Variants in PCDHB4 observed in about 807,000 individuals in gnomAD.
PCDHB4 encodes protocadherin beta 4, also known as protocadherin beta-4.
For missense variants in PCDHB4, 1,063 were observed against 1,007.0 expected (o/e 1.06, Z -0.75); for synonymous variants, 482 against 447.3 (o/e 1.08, Z -0.98).
rs1752374662 is a variant in PCDHB4 at position 141,124,305 on chromosome 5, A to G, written c.2307A>G (p.Ile769Met). ...GTGEFKFLKP[I>M]FPNLLVQDTG... ...GTGAGTTCAAGTTCCTGAAGCCAAT[A>G]TTTCCTAATCTCTTGGTTCAGGACA... Residue 769 changes from isoleucine (I) to methionine (M), a missense_variant, in exon 1 of 1, where the codon ATA becomes ATG. Physicochemically the swap from Ile to Met is conservative, Grantham distance 10. Transcript: ENST00000194152. 1 of 1,613,940 alleles carries G rather than the reference A, an allele frequency of 6.2e-7. No homozygotes were observed. Among genetic ancestry groups the G allele is most frequent in the Non-Finnish European group, 8.5e-7 (1 of 1,179,976 alleles).
rs571207137 is a variant in PCDHB4 at position 141,122,088 on chromosome 5, T to A, written c.90T>A (p.Ile30=). ...VFLSQVRLEP[I]RYSVLEETES... ...TGTCTCAGGTTCGCCTCGAGCCTAT[T>A]CGTTATTCTGTGTTGGAGGAAACAG... Residue 30 remains isoleucine, a synonymous_variant, in exon 1 of 1, where the codon ATT becomes ATA. Coordinates refer to ENST00000194152, the MANE Select transcript of PCDHB4 (RefSeq NM_018938.4). The A allele has an allele frequency of 2.5e-6, 4 of 1,614,044 alleles. No homozygotes were observed. Among genetic ancestry groups the A allele is most frequent in the Non-Finnish European group, 3.4e-6 (4 of 1,180,038 alleles).
rs781945457 is a variant in PCDHB4 at position 141,123,965 on chromosome 5, C to T, written c.1967C>T (p.Thr656Met). 36 of 1,604,336 alleles carry T rather than the reference C, an allele frequency of 2.2e-5. No individual in the cohort carries two copies. The highest frequency in any genetic ancestry group is 2.7e-5 in the African/African-American group (2 of 74,882). ...NGEPPRSATA[T>M]LHVLLVDGFS... is the part of the protein sequence containing the mutation. ...GAGCCTCCGCGCTCGGCCACCGCCA[C>T]GCTGCACGTGCTCCTGGTGGATGGC... The change falls in exon 1 of 1, where the codon ACG becomes ATG. Residue 656 changes from threonine (T) to methionine (M), a missense_variant. Coordinates refer to ENST00000194152, the MANE Select transcript of PCDHB4 (RefSeq NM_018938.4).
In PCDHB4 at chr5:141,124,335, G is replaced by A; in HGVS notation, c.2337G>A (p.Gly779=). 6.2e-7 allele frequency: 1 copy of A among 1,613,736 alleles called. No individual in the cohort carries two copies. The highest frequency in any genetic ancestry group is 8.5e-7 in the Non-Finnish European group (1 of 1,179,890). ...IFPNLLVQDT[G]REVKENPKFR... ...CTAATCTCTTGGTTCAGGACACCGG[G>A]AGGGAAGTTAAGGAAAACCCCAAGT... Residue 779 remains glycine, a synonymous_variant, in exon 1 of 1, where the codon GGG becomes GGA. Transcript: ENST00000194152.
In PCDHB4 at chr5:141,122,794, A is replaced by G; in HGVS notation, c.796A>G (p.Arg266Gly). 1 of 1,614,180 alleles carries G rather than the reference A, an allele frequency of 6.2e-7. No homozygotes were observed. Among genetic ancestry groups the G allele is most frequent in the Non-Finnish European group, 8.5e-7 (1 of 1,180,002 alleles). ...CTCTCCAATTGTTAGGGTCTTAGCT[A>G]GAGATATAGATGCTGGAAACTTCGG... ...LDSPIVRVLA[R>G]DIDAGNFGSV... Residue 266 changes from arginine (R) to glycine (G), a missense_variant, in exon 1 of 1, where the codon AGA becomes GGA. Physicochemically the swap from Arg to Gly is moderately radical, Grantham distance 125. Transcript: ENST00000194152.
rs1554274767 is a variant in PCDHB4 at position 141,124,271 on chromosome 5, C to G, written c.2273C>G (p.Ser758Cys). 2 of 1,614,190 alleles carry G rather than the reference C, an allele frequency of 1.2e-6. No homozygotes were observed. Among genetic ancestry groups the G allele is most frequent in the African/African-American group, 1.3e-5 (1 of 75,052 alleles). ...YQYEVCLTGD[S>C]GTGEFKFLKP... is the part of the protein sequence containing the mutation. ...TACGAGGTGTGTCTGACAGGAGACT[C>G]TGGGACTGGTGAGTTCAAGTTCCTG... Residue 758 changes from serine (S) to cysteine (C), a missense_variant, in exon 1 of 1, where the codon TCT (serine) becomes TGT (cysteine). Transcript: ENST00000194152.
At position 141,124,180 on chromosome 5, in the gene PCDHB4, G is replaced by A. The variant is rs782603101; in HGVS notation, c.2182G>A (p.Glu728Lys). ...CTCGGTGGGTCGCTGCTCGGTGCCC[G>A]AGGGCCCCTTTCCAGGGCATCTGGT... ...AASVGRCSVP[E>K]GPFPGHLVDV... Residue 728 changes from glutamate (E) to lysine (K), a missense_variant, in exon 1 of 1, where the codon GAG (glutamate) becomes AAG (lysine). By Grantham distance (56) the Glu-to-Lys change is moderately conservative. Transcript: ENST00000194152. 6 of 1,613,372 alleles carry A rather than the reference G, an allele frequency of 3.7e-6. No individual in the cohort carries two copies. The highest frequency in any genetic ancestry group is 5.1e-6 in the Non-Finnish European group (6 of 1,179,994).
In PCDHB4 at chr5:141,121,904, G is replaced by C; in HGVS notation, c.-95G>C. On this transcript the variant is annotated 5_prime_UTR_variant, in exon 1 of 1. Transcript: ENST00000194152. ...AACAAATTTAATATTAAAAGCAACT[G>C]TGTGACGATTCCTCCAAGCAAGAAA... 2.4e-6 allele frequency: 2 copies of C among 849,562 alleles called. No individual in the cohort carries two copies. The highest frequency in any genetic ancestry group is 1.8e-6 in the Non-Finnish European group (1 of 544,230). The allele number at this position is 849,562 out of a possible 1,614,324, so 52.6% of individuals were successfully genotyped here. A position where few individuals can be genotyped will look rare whatever the true frequency, so the allele number is the denominator to read the frequency against.
At position 141,123,356 on chromosome 5, in the gene PCDHB4, C is replaced by A; in HGVS notation, c.1358C>A (p.Thr453Asn). The change falls in exon 1 of 1, where the codon ACC becomes AAC. Residue 453 changes from threonine (T) to asparagine (N), a missense_variant. Physicochemically the swap from Thr to Asn is moderately conservative, Grantham distance 65 (BLOSUM62 0). Transcript: ENST00000194152. ...VNDNAPAFTQ[T>N]SYTLFVRENN... Reference sequence around the variant, plus strand: ...GACAACGCCCCCGCCTTCACCCAAACCTCCTACACCCTGTTCGTCCGCGAG... The same window carrying A: ...GACAACGCCCCCGCCTTCACCCAAAACTCCTACACCCTGTTCGTCCGCGAG... 6.2e-7 allele frequency: 1 copy of A among 1,614,082 alleles called. No homozygotes were observed. Among genetic ancestry groups the A allele is most frequent in the South Asian group, 1.1e-5 (1 of 91,074 alleles).
In PCDHB4 at chr5:141,123,677, T is replaced by C; in HGVS notation, c.1679T>C (p.Val560Ala). 1 of 1,611,394 alleles carries C rather than the reference T, an allele frequency of 6.2e-7. No individual in the cohort carries two copies. Among genetic ancestry groups the C allele is most frequent in the Non-Finnish European group, 8.5e-7 (1 of 1,179,580 alleles). The change falls in exon 1 of 1, where the codon GTG becomes GCG. Residue 560 changes from valine (V) to alanine (A), a missense_variant. Physicochemically the swap from Val to Ala is moderately conservative, Grantham distance 64. Transcript: ENST00000194152. The part of the protein sequence containing the change: ...VLDTNDNSPF[V>A]LYPLQNGSAP... ...GACACCAACGACAACTCGCCCTTCG[T>C]GCTGTACCCGCTGCAGAATGGCTCC...
rs782187196 is a variant in PCDHB4 at position 141,123,202 on chromosome 5, C to T, written c.1204C>T (p.Leu402=). The change falls in exon 1 of 1, where the codon CTG becomes TTG. Residue 402 remains leucine, a synonymous_variant. Coordinates refer to ENST00000194152, the MANE Select transcript of PCDHB4 (RefSeq NM_018938.4). Reference sequence around the variant, plus strand: ...ACCAACTTTGAAGAATTTTTACACCCTGGTAACAGAGAGACCACTGGACCG... The same window carrying T: ...ACCAACTTTGAAGAATTTTTACACCTTGGTAACAGAGAGACCACTGGACCG... The part of the protein sequence containing the change: ...LKPTLKNFYT[L]VTERPLDRET... 7 of 1,614,198 alleles carry T rather than the reference C, an allele frequency of 4.3e-6. No homozygotes were observed. The East Asian group carries it at 6.7e-5, about 15-fold the overall frequency.
In PCDHB4 at chr5:141,124,150, G is replaced by A; in HGVS notation, c.2152G>A (p.Ala718Thr). The A allele has an allele frequency of 2.5e-6, 4 of 1,612,384 alleles. No homozygotes were observed. The highest frequency in any genetic ancestry group is 3.4e-6 in the Non-Finnish European group (4 of 1,179,990). ...GGTGCGGCTGTGCAGGAGGAGCAGG[G>A]CGGCCTCGGTGGGTCGCTGCTCGGT... ...VAVRLCRRSR[A>T]ASVGRCSVPE... Residue 718 changes from alanine (A) to threonine (T), a missense_variant, in exon 1 of 1, where the codon GCG (alanine) becomes ACG (threonine). Physicochemically the swap from Ala to Thr is moderately conservative, Grantham distance 58. Transcript: ENST00000194152.
At position 141,122,566 on chromosome 5, in the gene PCDHB4, T is replaced by C; in HGVS notation, c.568T>C (p.Tyr190His). 1.2e-6 allele frequency: 2 copies of C among 1,614,178 alleles called. No individual in the cohort carries two copies. Among genetic ancestry groups the C allele is most frequent in the African/African-American group, 1.3e-5 (1 of 75,046 alleles). Residue 190 changes from tyrosine to histidine, a missense_variant, in exon 1 of 1, where the codon TAC (tyrosine) becomes CAC (histidine). By Grantham distance (83) the Tyr-to-His change is moderately conservative. Coordinates refer to ENST00000194152, the MANE Select transcript of PCDHB4 (RefSeq NM_018938.4). ...LTRNHSEGKK[Y>H]PDLVQDKPLD... The stretch of plus-strand genomic sequence containing the variant: ...TCGAAATCATAGTGAGGGCAAGAAA[T>C]ACCCAGATTTGGTGCAGGACAAACC...
chr5:141,125,052 G>A lies in PCDHB4; in HGVS notation c.*666G>A, dbSNP rs1353279810. On this transcript the variant is annotated 3_prime_UTR_variant, in exon 1 of 1. Transcript: ENST00000194152. ...TAGCACATTGTAATGTTCCATGAAT[G>A]CTAATATTAAATTTTGTAAAAATAA... 1 of 151,930 alleles carries A rather than the reference G, an allele frequency of 6.6e-6. No individual in the cohort carries two copies. Among genetic ancestry groups the A allele is most frequent in the Non-Finnish European group, 1.5e-5 (1 of 67,964 alleles). 9.4% of individuals were successfully genotyped at this position (151,930 alleles called of 1,614,324 possible). A position where few individuals can be genotyped will look rare whatever the true frequency, so the allele number is the denominator to read the frequency against.
chr5:141,122,164 G>A lies in PCDHB4; in HGVS notation c.166G>A (p.Gly56Arg), dbSNP rs782580980. The A allele has an allele frequency of 6.2e-7, 1 of 1,614,060 alleles. No homozygotes were observed. Among genetic ancestry groups the A allele is most frequent in the Non-Finnish European group, 8.5e-7 (1 of 1,180,046 alleles). Reference protein sequence around the residue: ...HLAKDLGLGIGELASRSARVL... With the variant: ...HLAKDLGLGIRELASRSARVL... ...GGCCAAGGATCTGGGCCTGGGAATTGGGGAACTGGCCTCCCGGTCAGCCCG... is the reference window on the plus strand; with the variant it reads ...GGCCAAGGATCTGGGCCTGGGAATTAGGGAACTGGCCTCCCGGTCAGCCCG... Residue 56 changes from glycine (G) to arginine (R), a missense_variant, in exon 1 of 1, where the codon GGG (glycine) becomes AGG (arginine). By Grantham distance (125) the Gly-to-Arg change is moderately radical (BLOSUM62 -2). Coordinates refer to ENST00000194152, the MANE Select transcript of PCDHB4 (RefSeq NM_018938.4).
rs782115208 is a variant in PCDHB4 at position 141,123,394 on chromosome 5, G to T, written c.1396G>T (p.Ala466Ser). 6.2e-7 allele frequency: 1 copy of T among 1,613,590 alleles called. No homozygotes were observed. The highest frequency in any genetic ancestry group is 2.2e-5 in the East Asian group (1 of 44,876). ...GTTCGTCCGCGAGAACAACAGCCCC[G>T]CCCTGCACATCGGCAGTGTCAGCGC... ...TLFVRENNSPALHIGSVSATD... is the reference protein window; with the variant it reads ...TLFVRENNSPSLHIGSVSATD... The change falls in exon 1 of 1, where the codon GCC (alanine) becomes TCC (serine). Residue 466 changes from alanine to serine, a missense_variant. Transcript: ENST00000194152.
Position 141,121,960 on chromosome 5 carries a change from G to A in PCDHB4, c.-39G>A. On this transcript the variant is annotated 5_prime_UTR_variant, in exon 1 of 1. Coordinates refer to ENST00000194152, the MANE Select transcript of PCDHB4 (RefSeq NM_018938.4). Reference sequence around the variant, plus strand: ...ATTGAATGTCTCAAGTCTCGTTGCGGTTGCTGAGGGGATTGGATATAGGGA... The same window carrying A: ...ATTGAATGTCTCAAGTCTCGTTGCGATTGCTGAGGGGATTGGATATAGGGA... 1 of 1,413,394 alleles carries A rather than the reference G, an allele frequency of 7.1e-7. No individual in the cohort carries two copies. The highest frequency in any genetic ancestry group is 9.6e-7 in the Non-Finnish European group (1 of 1,038,904). 87.6% of individuals were successfully genotyped at this position (1,413,394 alleles called of 1,614,324 possible).
At position 141,124,985 on chromosome 5, in the gene PCDHB4, A is replaced by G. The variant is rs1483522799; in HGVS notation, c.*599A>G. Reference sequence around the variant, plus strand: ...TGGTCCTTTTCCTCTTGTGACCACCACATGTCTAGTGATTATTTTGTTTAT... The same window carrying G: ...TGGTCCTTTTCCTCTTGTGACCACCGCATGTCTAGTGATTATTTTGTTTAT... On this transcript the variant is annotated 3_prime_UTR_variant, in exon 1 of 1. Transcript: ENST00000194152. 6.6e-6 allele frequency: 1 copy of G among 152,170 alleles called. No homozygotes were observed. Among genetic ancestry groups the G allele is most frequent in the Non-Finnish European group, 1.5e-5 (1 of 68,002 alleles). The allele number at this position is 152,170 out of a possible 1,614,324, so 9.4% of individuals were successfully genotyped here. A position where few individuals can be genotyped will look rare whatever the true frequency, so the allele number is the denominator to read the frequency against.
Position 141,122,005 on chromosome 5 carries a change from A to C in PCDHB4, c.7A>C (p.Lys3Gln), listed in dbSNP as rs1752291864. Residue 3 changes from lysine (K) to glutamine (Q), a missense_variant, in exon 1 of 1, where the codon AAG becomes CAG. Physicochemically the swap from Lys to Gln is moderately conservative, Grantham distance 53 (BLOSUM62 1). Coordinates refer to ENST00000194152, the MANE Select transcript of PCDHB4 (RefSeq NM_018938.4). ...TAGGGACCTGGACTCCAACATGAAGAAGCTAGGGAGAATTCATCCAAACAG... is the reference window on the plus strand; with the variant it reads ...TAGGGACCTGGACTCCAACATGAAGCAGCTAGGGAGAATTCATCCAAACAG... MKKLGRIHPNRQV... is the reference protein window; with the variant it reads MKQLGRIHPNRQV... 3 of 1,582,740 alleles carry C rather than the reference A, an allele frequency of 1.9e-6. No individual in the cohort carries two copies. The highest frequency in any genetic ancestry group is 2.6e-6 in the Non-Finnish European group (3 of 1,164,592).
chr5:141,122,179 C>T lies in PCDHB4; in HGVS notation c.181C>T (p.Arg61Trp), dbSNP rs144981797. The T allele has an allele frequency of 1.9e-6, 3 of 1,614,066 alleles. No homozygotes were observed. Among genetic ancestry groups the T allele is most frequent in the Non-Finnish European group, 8.5e-7 (1 of 1,180,050 alleles). Residue 61 changes from arginine to tryptophan, a missense_variant, in exon 1 of 1, where the codon CGG becomes TGG. Coordinates refer to ENST00000194152, the MANE Select transcript of PCDHB4 (RefSeq NM_018938.4). ...LGLGIGELAS[R>W]SARVLSDDDK... is the part of the protein sequence containing the mutation. ...CCTGGGAATTGGGGAACTGGCCTCC[C>T]GGTCAGCCCGGGTGCTGTCTGACGA...
Sources: gnomAD v4.1 joint callset for allele counts on GRCh38, gnomAD v4.1.1 for gene constraint, MANE v1.5 for transcripts, NCBI Gene and HGNC (gene_info 2026-07-23, HGNC 2026-07-21) for gene names.